The following PRP4K variants were observed in gnomAD, a reference collection of about 807,000 sequenced individuals.
The protein encoded by PRP4K is pre-mRNA processing factor kinase PRP4K.
the PRP4K span, chr6:4,021,384 G>T: frequency 6.4e-7 from 1 of 1,559,908 alleles, no homozygotes; most frequent in Non-Finnish European, 8.7e-7. Flanking sequence ...TCCACCGTCC[G>T]GGAGCCGCCG....
the PRP4K span, chr6:4,049,892 G>A: frequency 6.2e-7 from 1 of 1,613,506 alleles, no homozygotes; most frequent in African/African-American, 1.3e-5. Context: ...AAGTTCAGAA[G>A]ACGTGAGGAA....
the PRP4K span, among the ~76,000 whole-genome samples, chr6:4,033,012 T>C: frequency 1.3e-5 from 2 of 152,238 alleles, no homozygotes; most frequent in African/African-American, 4.8e-5. Flanking sequence ...ACATTCTTGA[T>C]TTAATACCTA....
chr6:4,052,667 A>G, the PRP4K span: 1 of 1,400,020 alleles, frequency 7.1e-7, no homozygotes, highest in East Asian at 2.4e-5. Context: ...TTATATTTCC[A>G]TTTTGCATTT....
the PRP4K span, among the ~76,000 whole-genome samples, chr6:4,037,739 G>A: frequency 6.6e-6 from 1 of 151,884 alleles, no homozygotes; most frequent in Non-Finnish European, 1.5e-5. Flanking sequence ...CTTTTATATC[G>A]TTTCCTTTGA....
At chr6:4,050,423 A>G in the PRP4K span, 6 of 495,588 alleles carry the variant, frequency 1.2e-5, no homozygotes, top group African/African-American at 1.9e-5. Context: ...GCATTTTAGT[A>G]CCTACTGTAT....
At chr6:4,027,592 C>CGGGGGGGGGG in the PRP4K span, among the ~76,000 whole-genome samples, 4 of 7,894 alleles carry the variant, frequency 5.1e-4, no homozygotes, top group Admixed American at 1.4e-3. Context: ...GCTTATTTGG[C>CGGGGGGGGGG]GGAGGGGTGG....
At chr6:4,057,432 C>T in the PRP4K span, among the ~76,000 whole-genome samples, 1 of 152,176 alleles carries the variant, frequency 6.6e-6, no homozygotes, top group East Asian at 1.9e-4. Flanking sequence ...TTTGGGGATA[C>T]ACCCTTATGG....
At chr6:4,021,399 CGCCGCCGAGGAGTCAGGAAGTTCAAGATG>C in the PRP4K span, 1 of 1,569,566 alleles carries the variant, frequency 6.4e-7, no homozygotes, top group Non-Finnish European at 8.6e-7. Flanking sequence ...CCGCCGCCAC[CGCCGCCGAGGAGTCAGGAAGTTCAAGATG>C]GCCGCCGCGG....
chr6:4,053,025 C>G, the PRP4K span: 8 of 720,576 alleles, frequency 1.1e-5, no homozygotes, highest in Non-Finnish European at 1.6e-5. Flanking sequence ...TTTTATCTTT[C>G]TTGGAAATCG....
chr6:4,042,208 A>C, the PRP4K span, among the ~76,000 whole-genome samples: 1 of 152,232 alleles, frequency 6.6e-6, no homozygotes, highest in Non-Finnish European at 1.5e-5. Flanking sequence ...TACTAAGGTC[A>C]TGGAAAAACT....
the PRP4K span, among the ~76,000 whole-genome samples, chr6:4,039,774 C>G: frequency 6.6e-6 from 1 of 152,058 alleles, no homozygotes; most frequent in Non-Finnish European, 1.5e-5. Flanking sequence ...AGATTTTATT[C>G]TCATCTCTGC....
At chr6:4,056,831 T>C in the PRP4K span, 767,013 of 1,109,716 alleles carry the variant, frequency 0.69, 265,891 homozygotes, top group East Asian at 0.79. Flanking sequence ...GTTCCTCCCC[T>C]ACACCTCCAT....
At chr6:4,048,392 A>G in the PRP4K span, among the ~76,000 whole-genome samples, 1 of 151,980 alleles carries the variant, frequency 6.6e-6, no homozygotes, top group African/African-American at 2.4e-5. Context: ...AAAAAAAAAA[A>G]AAAAAGAATA....
the PRP4K span, among the ~76,000 whole-genome samples, chr6:4,047,507 T>C: frequency 6.6e-6 from 1 of 152,196 alleles, no homozygotes; most frequent in Non-Finnish European, 1.5e-5. Context: ...ATTTGTACAG[T>C]ATTGTGTATT....
At chr6:4,041,370 A>C in the PRP4K span, among the ~76,000 whole-genome samples, 1 of 152,120 alleles carries the variant, frequency 6.6e-6, no homozygotes, top group Admixed American at 6.6e-5. Flanking sequence ...TGTCTAATAC[A>C]ATTGTGGGGA....
chr6:4,047,947 G>C, the PRP4K span, among the ~76,000 whole-genome samples: 309 of 138,306 alleles, frequency 2.2e-3, no homozygotes, highest in African/African-American at 8.0e-3. Flanking sequence ...CACACACACA[G>C]AGCAATAGGA....
chr6:4,034,002 T>C, the PRP4K span, among the ~76,000 whole-genome samples: 1 of 152,180 alleles, frequency 6.6e-6, no homozygotes, highest in South Asian at 2.1e-4. Context: ...AAAAATATTT[T>C]TTTAAATTAC....
At chr6:4,049,246 C>CA in the PRP4K span, 1 of 746,638 alleles carries the variant, frequency 1.3e-6, no homozygotes. Flanking sequence ...GCACATCCAA[C>CA]AGCTGCATGA....
At chr6:4,054,121 C>T in the PRP4K span, among the ~76,000 whole-genome samples, 2 of 152,058 alleles carry the variant, frequency 1.3e-5, no homozygotes, top group South Asian at 4.1e-4. Flanking sequence ...TGGCTGGTCT[C>T]AAACTCCTGG....
Sources: gnomAD v4.1 joint callset for allele counts (sites outside exome capture counted in the v4.1 genomes callset) on GRCh38, gnomAD v4.1.1 for gene constraint, MANE v1.5 for transcripts, NCBI Gene and HGNC (gene_info 2026-07-23, HGNC 2026-07-21) for gene names.